Variants in ASB3 observed in about 807,000 individuals in gnomAD.
The protein encoded by ASB3 is ankyrin repeat and SOCS box protein 3.
In ASB3, 41 loss-of-function variants were observed where a neutral mutation model predicts 54.5. The ratio of observed to expected loss-of-function variants is 0.75; its 90% CI spans 0.59 to 0.98. The LOEUF (loss-of-function observed/expected upper bound fraction) is 0.98, where lower values mean the gene tolerates loss of function less well. ASB3 is among the 50% of genes least tolerant of loss of function. The probability of loss-of-function intolerance (pLI) is 0.00; values close to 1 mark genes in which losing one functional copy is unlikely to be tolerated. For synonymous variants in ASB3, 266 were observed against 221.2 expected (o/e 1.20, Z -1.80); for missense variants, 733 against 620.0 (o/e 1.18, Z -1.94).
chr2:53,741,786 G>T (rs1671946987), intron 3 of ASB3, among the ~76,000 whole-genome samples: 1 of 151,970 alleles, frequency 6.6e-6, no homozygotes, highest in African/African-American at 2.4e-5. Flanking sequence ...TCATCCAAAA[G>T]CAATTAATCC....
intron 2 of ASB3, among the ~76,000 whole-genome samples, chr2:53,758,901 C>T (rs951545221): frequency 2.0e-5 from 3 of 152,158 alleles, no homozygotes; most frequent in Non-Finnish European, 4.4e-5. Context: ...AGTGTATGTA[C>T]CTTTTTCCCT....
chr2:53,700,837 T>C (rs1669450834), intron 7 of ASB3, among the ~76,000 whole-genome samples: 1 of 152,232 alleles, frequency 6.6e-6, no homozygotes, highest in Non-Finnish European at 1.5e-5. Flanking sequence ...TTTGTACAAA[T>C]GAGTATCTTT....
At position 53,783,261 on chromosome 2, in the gene ASB3, GT is replaced by G. The variant is rs546543806; in HGVS notation, c.-14+3559del. ...AAAAATAACTAGATGACTAGAAACT[GT>G]GGGGAAAAAACCACTGAAAAAAGAA... On this transcript the variant is annotated intron_variant, in intron 1 of 9. Coordinates refer to ENST00000263634, the MANE Select transcript of ASB3 (RefSeq NM_016115.5). Among the ~76,000 whole-genome samples the G allele has an allele frequency of 3.3e-5, 5 of 152,150 alleles. No homozygotes were observed. In the South Asian group the frequency reaches 1.0e-3, roughly 32 times the overall value.
chr2:53,761,095 G>A (rs892299473), intron 2 of ASB3, among the ~76,000 whole-genome samples: 1 of 152,136 alleles, frequency 6.6e-6, no homozygotes, highest in Non-Finnish European at 1.5e-5. Flanking sequence ...TGTTGAGAGG[G>A]GGGACTGAGA....
intron 5 of ASB3, among the ~76,000 whole-genome samples, chr2:53,721,075 G>C (rs192723752): frequency 6.6e-6 from 1 of 151,414 alleles, no homozygotes; most frequent in African/African-American, 2.4e-5. Flanking sequence ...CCAAGATCAT[G>C]CCACTGCACT....
At chr2:53,759,592 C>A (rs532999760) in intron 2 of ASB3, among the ~76,000 whole-genome samples, 1 of 152,100 alleles carries the variant, frequency 6.6e-6, no homozygotes, top group Non-Finnish European at 1.5e-5. Flanking sequence ...AAGAAAAAGG[C>A]CACCACTTTA....
chr2:53,714,921 GT>G (rs1339107931), intron 6 of ASB3, among the ~76,000 whole-genome samples: 2 of 151,998 alleles, frequency 1.3e-5, no homozygotes, highest in Non-Finnish European at 2.9e-5. Context: ...ATATTTTAGG[GT>G]TTAATAAATT....
intron 9 of ASB3, among the ~76,000 whole-genome samples, chr2:53,683,880 T>C (rs750304292): frequency 1.3e-5 from 2 of 152,170 alleles, no homozygotes; most frequent in African/African-American, 2.4e-5. Context: ...GTTAGTTTTG[T>C]GTATATTTTC....
At chr2:53,729,696 T>C in intron 3 of ASB3, 126 bp from the exon 4 acceptor site, 1 of 730,378 alleles carries the variant, frequency 1.4e-6, no homozygotes, top group East Asian at 2.7e-5. Flanking sequence ...TCCTAAACAG[T>C]TATCACAATT....
rs1384020954 is a variant in ASB3 at position 53,674,850 on chromosome 2, C to CTCTGAAAAAT, written c.1370-4161_1370-4160insATTTTTCAGA. Among the ~76,000 whole-genome samples the CTCTGAAAAAT allele has an allele frequency of 3.1e-4, 47 of 152,246 alleles. No homozygotes were observed. The East Asian group carries it at 8.5e-3, about 27-fold the overall frequency. On this transcript the variant is annotated intron_variant, in intron 9 of 9. Transcript: ENST00000263634. ...AAACCGCTAGAAAAAACACAAAAAG[C>CTCTGAAAAAT]AAGTACCTGAGAACTCTGAAAAACA...
chr2:53,718,237 T>C (rs756261508), intron 5 of ASB3, among the ~76,000 whole-genome samples: 1 of 151,978 alleles, frequency 6.6e-6, no homozygotes, highest in Non-Finnish European at 1.5e-5. Flanking sequence ...CACCAGACTG[T>C]TGAAGGTTAA....
At chr2:53,775,725 C>T (rs1674295608) in intron 1 of ASB3, among the ~76,000 whole-genome samples, 2 of 152,322 alleles carry the variant, frequency 1.3e-5, no homozygotes, top group South Asian at 4.1e-4. Flanking sequence ...ATCCACCAGC[C>T]TCAGCCTCCC....
rs1215102401 is a variant in ASB3 at position 53,670,355 on chromosome 2, TG to T, written c.*147del. On this transcript the variant is annotated 3_prime_UTR_variant, in exon 10 of 10. Transcript: ENST00000263634. ...TAGTTGTAAACATAAACATTCTCAC[TG>T]AACTACTGGCCCCCCAAAACCTAAC... 1 of 580,346 alleles carries T rather than the reference TG, an allele frequency of 1.7e-6. No individual in the cohort carries two copies. The highest frequency in any genetic ancestry group is 4.4e-5 in the Admixed American group (1 of 22,984). The allele number at this position is 580,346 out of a possible 1,614,324, so 35.9% of individuals were successfully genotyped here. A position where few individuals can be genotyped will look rare whatever the true frequency, so the allele number is the denominator to read the frequency against.
At chr2:53,725,626 C>G (rs1367084560) in intron 5 of ASB3, among the ~76,000 whole-genome samples, 1 of 152,064 alleles carries the variant, frequency 6.6e-6, no homozygotes, top group Non-Finnish European at 1.5e-5. Context: ...TGTTACATGA[C>G]CATGAGAGTT....
At chr2:53,676,809 C>T (rs1269171527) in intron 9 of ASB3, among the ~76,000 whole-genome samples, 2 of 152,182 alleles carry the variant, frequency 1.3e-5, no homozygotes, top group Non-Finnish European at 2.9e-5. Flanking sequence ...CTCACTCTGT[C>T]ACCAGGCTGG....
chr2:53,768,851 C>A (rs1382143035), intron 1 of ASB3, among the ~76,000 whole-genome samples: 1 of 152,128 alleles, frequency 6.6e-6, no homozygotes, highest in African/African-American at 2.4e-5. Context: ...AACAACTAAT[C>A]CATAAAGAAA....
chr2:53,774,134 T>C (rs1327507930), intron 1 of ASB3: 2 of 1,577,742 alleles, frequency 1.3e-6, no homozygotes, highest in Non-Finnish European at 1.7e-6. Flanking sequence ...CTTTTCATTT[T>C]TCAACAGGGA....
chr2:53,760,727 T>C (rs551578137), intron 2 of ASB3, among the ~76,000 whole-genome samples: 10 of 152,322 alleles, frequency 6.6e-5, no homozygotes, highest in South Asian at 2.1e-4. Flanking sequence ...CCAGGCCTTT[T>C]CAAAACTATC....
intron 5 of ASB3, among the ~76,000 whole-genome samples, chr2:53,718,178 G>A (rs1045124611): frequency 6.6e-6 from 1 of 152,112 alleles, no homozygotes; most frequent in Non-Finnish European, 1.5e-5. Context: ...CCAGATAGAA[G>A]CAATACAGAG....
Sources: allele counts gnomAD v4.1 joint callset (sites outside exome capture counted in the v4.1 genomes callset), GRCh38; gene constraint gnomAD v4.1.1; transcripts MANE v1.5; gene names NCBI Gene and HGNC (gene_info 2026-07-23, HGNC 2026-07-21).